CSMD3: variants seen among roughly 807,000 people sequenced by gnomAD.
The protein encoded by CSMD3 is CUB and sushi domain-containing protein 3.
In CSMD3, 177 loss-of-function variants were observed where a neutral mutation model predicts 435.2. That is an observed-to-expected ratio of 0.41 (90% CI 0.36 to 0.46). The LOEUF is 0.46. Ranked by LOEUF, CSMD3 falls within the 20% of genes least tolerant of loss-of-function variation. CSMD3 has a pLI of 0.34. For synonymous variants in CSMD3, 1,656 were observed against 1,520.5 expected (o/e 1.09, Z -2.07); for missense variants, 4,265 against 4,504.6 (o/e 0.95, Z 1.52).
At chr8:112,525,796 GTATATATATA>G (rs563394357) in intron 27 of CSMD3, among the ~76,000 whole-genome samples, 6 of 116,118 alleles carry the variant, frequency 5.2e-5, no homozygotes, top group African/African-American at 2.1e-4. Flanking sequence ...ATATATATAT[GTATATATATA>G]TATACACACA....
chr8:113,266,724 T>C (rs1402006128), intron 3 of CSMD3, among the ~76,000 whole-genome samples: 5 of 151,658 alleles, frequency 3.3e-5, no homozygotes, highest in African/African-American at 1.2e-4. Flanking sequence ...ATTAGCAAAT[T>C]TGCTAAATGT....
chr8:112,470,266 C>CTTAAGGATTAA (rs1325884385), intron 32 of CSMD3, among the ~76,000 whole-genome samples: 1 of 152,026 alleles, frequency 6.6e-6, no homozygotes, highest in Non-Finnish European at 1.5e-5. Context: ...GACCTTAGTT[C>CTTAAGGATTAA]AATCCAATAA....
At chr8:113,115,837 T>C (rs76570883) in intron 4 of CSMD3, among the ~76,000 whole-genome samples, 1,529 of 152,284 alleles carry the variant, frequency 0.01, 18 homozygotes, top group African/African-American at 0.035. Flanking sequence ...TCTGAGGCAA[T>C]TGCTTAGGAC....
intron 22 of CSMD3, among the ~76,000 whole-genome samples, chr8:112,595,206 T>A (rs1014291820): frequency 7.3e-5 from 11 of 151,242 alleles, no homozygotes; most frequent in African/African-American, 2.4e-4. Context: ...GCTCGAGAAC[T>A]ACGTGAAGAA....
chr8:113,182,150 C>T (rs1378728298), intron 3 of CSMD3, among the ~76,000 whole-genome samples: 1 of 151,898 alleles, frequency 6.6e-6, no homozygotes, highest in Non-Finnish European at 1.5e-5. Context: ...ATAAGACATA[C>T]ATGGTAATGA....
chr8:112,238,344 C>T (rs182576491), intron 66 of CSMD3, among the ~76,000 whole-genome samples: 2 of 152,068 alleles, frequency 1.3e-5, no homozygotes, highest in Admixed American at 6.6e-5. Flanking sequence ...TCTTACCAGT[C>T]AGATCACAGG....
intron 2 of CSMD3, among the ~76,000 whole-genome samples, chr8:113,280,308 T>G (rs2093603949): frequency 1.3e-5 from 2 of 151,906 alleles, no homozygotes; most frequent in Non-Finnish European, 2.9e-5. Context: ...TTTTTTTCGT[T>G]GCTAATTTTA....
chr8:112,517,790 C>A (rs185661645), intron 27 of CSMD3, among the ~76,000 whole-genome samples: 18 of 152,048 alleles, frequency 1.2e-4, no homozygotes, highest in Non-Finnish European at 1.9e-4. Context: ...ATGGAGAAAA[C>A]GGGATCATTC....
chr8:112,963,187 T>C (rs530002158), intron 7 of CSMD3, among the ~76,000 whole-genome samples: 1 of 152,082 alleles, frequency 6.6e-6, no homozygotes, highest in South Asian at 2.1e-4. Context: ...AATGCAAGGC[T>C]ACAATAGGAC....
intron 3 of CSMD3, among the ~76,000 whole-genome samples, chr8:113,246,152 T>C (rs1292485367): frequency 4.6e-5 from 7 of 151,956 alleles, no homozygotes; most frequent in African/African-American, 7.2e-5. Context: ...TTTCTTATTA[T>C]TTCTATTTTT....
At chr8:112,948,924 T>G (rs573242546) in intron 8 of CSMD3, among the ~76,000 whole-genome samples, 1 of 152,138 alleles carries the variant, frequency 6.6e-6, no homozygotes, top group South Asian at 2.1e-4. Context: ...GTTTTTATTT[T>G]AAAGAGACAG....
At chr8:113,080,832 A>G (rs765420545) in intron 5 of CSMD3, among the ~76,000 whole-genome samples, 12 of 152,154 alleles carry the variant, frequency 7.9e-5, no homozygotes, top group Non-Finnish European at 1.8e-4. Context: ...AAAACTCACG[A>G]TATTTTTACA....
chr8:113,411,015 AAAAT>A (rs998117007), intron 1 of CSMD3, among the ~76,000 whole-genome samples: 2 of 151,822 alleles, frequency 1.3e-5, no homozygotes, highest in East Asian at 1.9e-4. Context: ...AAAAGAAAGA[AAAAT>A]AAAGAAAGAA....
intron 4 of CSMD3, among the ~76,000 whole-genome samples, chr8:113,160,602 C>T (rs1354127567): frequency 6.7e-6 from 1 of 150,286 alleles, no homozygotes; most frequent in Non-Finnish European, 1.5e-5. Flanking sequence ...CTGATTTCCC[C>T]AGGACCTTTG....
chr8:112,242,730 A>T (rs892422455), intron 65 of CSMD3, among the ~76,000 whole-genome samples: 4 of 152,134 alleles, frequency 2.6e-5, no homozygotes, highest in Non-Finnish European at 5.9e-5. Context: ...TTTTGCATGT[A>T]TTGAGTACTG....
chr8:113,300,419 A>G (rs2132581804), intron 2 of CSMD3, among the ~76,000 whole-genome samples: 1 of 152,270 alleles, frequency 6.6e-6, no homozygotes, highest in Non-Finnish European at 1.5e-5. Flanking sequence ...TCCCAATAGC[A>G]AAGTCATGGA....
At chr8:113,261,219 A>C (rs1192043741) in intron 3 of CSMD3, among the ~76,000 whole-genome samples, 2 of 152,132 alleles carry the variant, frequency 1.3e-5, no homozygotes, top group East Asian at 3.8e-4. Flanking sequence ...AACTTACCAA[A>C]ATAATAATCT....
At chr8:112,344,601 G>A (rs1825485076) in intron 41 of CSMD3, among the ~76,000 whole-genome samples, 1 of 152,122 alleles carries the variant, frequency 6.6e-6, no homozygotes, top group Admixed American at 6.5e-5. Context: ...CCTGGTTTGT[G>A]CTTCAATGAG....
chr8:112,644,526 ATTTG>A (rs2074924883), intron 20 of CSMD3, among the ~76,000 whole-genome samples: 2 of 151,952 alleles, frequency 1.3e-5, no homozygotes, highest in Non-Finnish European at 2.9e-5. Context: ...CCTTTTACTT[ATTTG>A]TTTATTTGTA....
Sources: allele counts gnomAD v4.1 joint callset (sites outside exome capture counted in the v4.1 genomes callset), GRCh38; gene constraint gnomAD v4.1.1; transcripts MANE v1.5; gene names NCBI Gene and HGNC (gene_info 2026-07-23, HGNC 2026-07-21).